Variants in OGDH observed in about 807,000 individuals in gnomAD.
OGDH encodes the protein oxoglutarate dehydrogenase, also known as 2-oxoglutarate dehydrogenase complex component E1.
In OGDH, 38 loss-of-function variants were observed where a neutral mutation model predicts 116.6. The observed-to-expected ratio is 0.33, with a 90% CI of 0.25 to 0.43. The LOEUF (loss-of-function observed/expected upper bound fraction) is 0.43, where lower values mean the gene tolerates loss of function less well. Ranked by LOEUF, OGDH falls within the 20% of genes least tolerant of loss-of-function variation. OGDH has a pLI of 1.00. For missense variants in OGDH, 825 were observed against 1,357.2 expected (o/e 0.61, Z 6.16); for synonymous variants, 488 against 533.3 (o/e 0.92, Z 1.17).
chr7:44,667,672 C>T (rs1330239608), intron 5 of OGDH, among the ~76,000 whole-genome samples: 1 of 152,200 alleles, frequency 6.6e-6, no homozygotes, highest in Non-Finnish European at 1.5e-5. Context: ...AAGTCATAGC[C>T]TCCCTCAGTA....
intron 1 of OGDH, among the ~76,000 whole-genome samples, chr7:44,614,240 T>A (rs936760619): frequency 1.3e-5 from 2 of 151,778 alleles, no homozygotes; most frequent in Non-Finnish European, 2.9e-5. Flanking sequence ...GCCTTTTTTT[T>A]TTTTTTTCTT....
At chr7:44,699,906 A>C (rs1342280997) in intron 18 of OGDH, among the ~76,000 whole-genome samples, 1 of 152,086 alleles carries the variant, frequency 6.6e-6, no homozygotes, top group Non-Finnish European at 1.5e-5. Flanking sequence ...ACACACTTTC[A>C]ACAACCAGAT....
At position 44,697,450 on chromosome 7, in the gene OGDH, C is replaced by G. The variant is rs1280340191; in HGVS notation, c.2132C>G (p.Ala711Gly). 1 of 1,614,166 alleles carries G rather than the reference C, an allele frequency of 6.2e-7. No homozygotes were observed. The highest frequency in any genetic ancestry group is 1.1e-5 in the South Asian group (1 of 91,084). Residue 711 changes from alanine (A) to glycine (G), a missense_variant, in exon 16 of 23, where the codon GCC becomes GGC. By Grantham distance (60) the Ala-to-Gly change is moderately conservative (BLOSUM62 0). Coordinates refer to ENST00000222673, the MANE Select transcript of OGDH (RefSeq NM_002541.4). The surrounding 1 kb of genome is among the most constrained non-coding windows in gnomAD (Gnocchi z 6.0). ...ATGAACCATCTCTGGCCCAATCAGG[C>G]CCCCTATACTGTGTGCAACAGCTCA... ...IPMNHLWPNQ[A>G]PYTVCNSSLS... is the part of the protein sequence containing the mutation.
chr7:44,634,047 T>G (rs1213570976), intron 2 of OGDH, among the ~76,000 whole-genome samples: 2 of 152,186 alleles, frequency 1.3e-5, no homozygotes, highest in Non-Finnish European at 2.9e-5. Context: ...CATGACTCTG[T>G]GGGTTGGCTA....
At chr7:44,683,592 C>G (rs1322103254) in intron 10 of OGDH, among the ~76,000 whole-genome samples, 1 of 152,288 alleles carries the variant, frequency 6.6e-6, no homozygotes, top group African/African-American at 2.4e-5. Context: ...CGTTCTCTTT[C>G]TTTAAGAAAC....
intron 1 of OGDH, among the ~76,000 whole-genome samples, chr7:44,612,630 G>T (rs145166208): frequency 6.6e-6 from 1 of 151,904 alleles, no homozygotes; most frequent in African/African-American, 2.4e-5. Flanking sequence ...TGATCCACTC[G>T]CCTCGGCCTC....
intron 10 of OGDH, among the ~76,000 whole-genome samples, chr7:44,688,893 G>C (rs1041918646): frequency 1.1e-4 from 17 of 152,024 alleles, no homozygotes; most frequent in African/African-American, 4.1e-4. Context: ...GGGACTGTAG[G>C]TGTGCACCAC....
At chr7:44,674,087 G>T in intron 6 of OGDH, 146 bp downstream of exon 6, 2 of 918,670 alleles carry the variant, frequency 2.2e-6, no homozygotes. Flanking sequence ...GCACATGTGT[G>T]AAGAGACACC....
chr7:44,696,395 A>AGGGT (rs1264887114), intron 13 of OGDH, 34 bp from the exon 14 acceptor site: 36 of 1,601,498 alleles, frequency 2.2e-5, no homozygotes, highest in Non-Finnish European at 2.7e-5. Context: ...AAAGTAGAGC[A>AGGGT]GATGTCATGC....
intron 10 of OGDH, among the ~76,000 whole-genome samples, chr7:44,690,499 G>C (rs1371356848): frequency 6.6e-6 from 1 of 152,160 alleles, no homozygotes; most frequent in Non-Finnish European, 1.5e-5. Flanking sequence ...ATACTAAGAG[G>C]TATTATTAAT....
intron 19 of OGDH, 38 bp downstream of exon 19, chr7:44,700,307 G>T (rs1432839872): frequency 3.1e-6 from 5 of 1,610,892 alleles, no homozygotes; most frequent in Non-Finnish European, 8.5e-7. Flanking sequence ...ACGAGGCCTG[G>T]CCCTGCCCTG....
chr7:44,639,807 A>G (rs1180813890), intron 2 of OGDH, among the ~76,000 whole-genome samples: 2 of 152,194 alleles, frequency 1.3e-5, no homozygotes, highest in African/African-American at 2.4e-5. Context: ...AGTGGGATGC[A>G]TGGTGTAAGA....
chr7:44,702,246 C>T (rs1187792893), intron 20 of OGDH, among the ~76,000 whole-genome samples: 1 of 152,328 alleles, frequency 6.6e-6, no homozygotes. Flanking sequence ...GGGTTAGTGC[C>T]GCTGCCTGCG....
intron 2 of OGDH, among the ~76,000 whole-genome samples, chr7:44,634,333 G>C (rs1173367561): frequency 6.6e-6 from 1 of 152,172 alleles, no homozygotes; most frequent in Non-Finnish European, 1.5e-5. Context: ...ACAACCCTTA[G>C]GGACATCCGT....
Position 44,697,659 on chromosome 7 carries a change from C to G in OGDH, c.2235C>G (p.Ala745=). Residue 745 remains alanine, a synonymous_variant, in exon 17 of 23, where the codon GCC becomes GCG. Coordinates refer to ENST00000222673, the MANE Select transcript of OGDH (RefSeq NM_002541.4). The surrounding 1 kb of genome is among the most constrained non-coding windows in gnomAD (Gnocchi z 6.0). ...ASPNALVLWE[A]QFGDFHNTAQ... is the part of the protein sequence containing the mutation. ...CTAATGCCCTGGTCCTCTGGGAAGCCCAATTTGGTGACTTCCACAACACGG... is the reference window on the plus strand; with the variant it reads ...CTAATGCCCTGGTCCTCTGGGAAGCGCAATTTGGTGACTTCCACAACACGG... 6.2e-7 allele frequency: 1 copy of G among 1,614,222 alleles called. No homozygotes were observed. The highest frequency in any genetic ancestry group is 8.5e-7 in the Non-Finnish European group (1 of 1,180,044).
chr7:44,701,449 C>G, intron 19 of OGDH, 94 bp from the exon 20 acceptor site: 2 of 1,052,862 alleles, frequency 1.9e-6, no homozygotes, highest in Admixed American at 1.9e-5. Flanking sequence ...TGTTTCATGG[C>G]CTGAAGGTCA....
intron 1 of OGDH, among the ~76,000 whole-genome samples, chr7:44,610,707 C>T (rs1429931613): frequency 1.3e-5 from 2 of 151,776 alleles, no homozygotes; most frequent in East Asian, 1.9e-4. Context: ...TCCACCTCCC[C>T]GGTTCAAGCC....
rs1019327763 is a variant in OGDH at position 44,708,107 on chromosome 7, C to T, written c.*108C>T. 26 of 1,414,890 alleles carry T rather than the reference C, an allele frequency of 1.8e-5. No individual in the cohort carries two copies. In the African/African-American group the frequency reaches 2.3e-4, roughly 12 times the overall value. 87.6% of individuals were successfully genotyped at this position (1,414,890 alleles called of 1,614,324 possible). A position where few individuals can be genotyped will look rare whatever the true frequency, so the allele number is the denominator to read the frequency against. On this transcript the variant is annotated 3_prime_UTR_variant, in exon 23 of 23. Coordinates refer to ENST00000222673, the MANE Select transcript of OGDH (RefSeq NM_002541.4). ...GCGCTGCCCACACCACCGCCCTCCTCGCTGTGCCACCACCCCTCCCTCTGC... is the reference window on the plus strand; with the variant it reads ...GCGCTGCCCACACCACCGCCCTCCTTGCTGTGCCACCACCCCTCCCTCTGC...
intron 2 of OGDH, among the ~76,000 whole-genome samples, chr7:44,629,876 G>T (rs1785362728): frequency 6.6e-6 from 1 of 152,172 alleles, no homozygotes; most frequent in South Asian, 2.1e-4. Context: ...CATCATGCCC[G>T]GCCTGATGCC....
Sources: gnomAD v4.1 joint callset for allele counts (sites outside exome capture counted in the v4.1 genomes callset) on GRCh38, gnomAD v4.1.1 for gene constraint, Gnocchi (gnomAD v3.1) non-coding constraint, MANE v1.5 for transcripts, NCBI Gene and HGNC (gene_info 2026-07-23, HGNC 2026-07-21) for gene names.